Variants in VPS8 observed in about 807,000 individuals in gnomAD.
VPS8 encodes vacuolar protein sorting-associated protein 8 homolog.
A neutral mutation model predicts 216.4 loss-of-function variants in VPS8; 129 were observed. The ratio of observed to expected loss-of-function variants is 0.60; its 90% CI spans 0.52 to 0.69. The LOEUF is 0.69. VPS8 is among the 30% of genes least tolerant of loss of function. VPS8 has a pLI of 0.00. For synonymous variants in VPS8, 571 were observed against 565.4 expected, an observed-to-expected ratio of 1.01 and a Z score of -0.14; for missense variants, 1,531 against 1,683.5, an observed-to-expected ratio of 0.91 and a Z score of 1.59.
chr3:184,820,644 A>AG (rs1235529066), intron 1 of VPS8, among the ~76,000 whole-genome samples: 1 of 152,112 alleles, frequency 6.6e-6, no homozygotes, highest in Non-Finnish European at 1.5e-5. Context: ...CCTTTTAAAA[A>AG]AAATTTGAGC....
chr3:185,028,376 G>GTA (rs1757676353), intron 46 of VPS8, among the ~76,000 whole-genome samples: 1 of 152,148 alleles, frequency 6.6e-6, no homozygotes, highest in Non-Finnish European at 1.5e-5. Context: ...ATAGAAGTGA[G>GTA]TAACACATTG....
Position 184,957,504 on chromosome 3 carries a change from C to T in VPS8, c.3166C>T (p.Leu1056=), listed in dbSNP as rs909192300. 1.2e-6 allele frequency: 2 copies of T among 1,610,480 alleles called. No homozygotes were observed. The highest frequency in any genetic ancestry group is 1.7e-6 in the Non-Finnish European group (2 of 1,178,440). The change falls in exon 37 of 48, where the codon CTG becomes TTG. Residue 1056 remains leucine, a synonymous_variant. Coordinates refer to ENST00000625842, the MANE Select transcript of VPS8 (RefSeq NM_001009921.3). ...TCTGCAAGTCCTTGAGTGCTACCGTCTGGAAGAAACTATTCAGGTGAGACG... is the reference window on the plus strand; with the variant it reads ...TCTGCAAGTCCTTGAGTGCTACCGTTTGGAAGAAACTATTCAGGTGAGACG... The part of the protein sequence containing the change: ...ETLQVLECYR[L]EETIQITQKY...
intron 42 of VPS8, among the ~76,000 whole-genome samples, chr3:184,990,993 A>G (rs73885633): frequency 0.043 from 6,567 of 151,922 alleles, 456 homozygotes; most frequent in African/African-American, 0.15. Context: ...TTTGTTATAT[A>G]CATTCTATCT....
At chr3:184,875,937 C>T (rs1178391620) in intron 21 of VPS8, among the ~76,000 whole-genome samples, 1 of 151,680 alleles carries the variant, frequency 6.6e-6, no homozygotes, top group Admixed American at 6.6e-5. Flanking sequence ...TTGCACTGAG[C>T]CAAGATCACG....
intron 21 of VPS8, among the ~76,000 whole-genome samples, chr3:184,881,522 A>G (rs1730265492): frequency 1.3e-5 from 2 of 152,094 alleles, no homozygotes; most frequent in African/African-American, 2.4e-5. Flanking sequence ...TGCCTATCCC[A>G]CTGCCAGTAC....
chr3:184,898,128 C>T (rs974132348), intron 23 of VPS8, among the ~76,000 whole-genome samples: 2 of 141,686 alleles, frequency 1.4e-5, no homozygotes, highest in African/African-American at 6.3e-5. Context: ...ACTCACACGC[C>T]ATTTTGTACC....
At position 184,821,597 on chromosome 3, in the gene VPS8, C is replaced by T. The variant is rs191354074; in HGVS notation, c.-88-2948C>T. ...AACTCCTGAGCTCAGGAAATCCACC[C>T]GCCTCAGCCTCCCAAAGTGCTAGGA... On this transcript the variant is annotated intron_variant, in intron 1 of 47. Coordinates refer to ENST00000625842, the MANE Select transcript of VPS8 (RefSeq NM_001009921.3). 9.2e-5 allele frequency among the ~76,000 whole-genome samples: 14 copies of T among 152,152 alleles called. No individual in the cohort carries two copies. In the East Asian group the frequency reaches 1.2e-3, roughly 13 times the overall value.
chr3:184,884,480 A>G (rs1363715646), intron 21 of VPS8, among the ~76,000 whole-genome samples: 1 of 152,190 alleles, frequency 6.6e-6, no homozygotes, highest in African/African-American at 2.4e-5. Flanking sequence ...TCTCATACTA[A>G]GGAGATAGTA....
intron 1 of VPS8, among the ~76,000 whole-genome samples, chr3:184,813,139 A>G (rs913695880): frequency 6.6e-6 from 1 of 152,000 alleles, no homozygotes; most frequent in East Asian, 1.9e-4. Flanking sequence ...GATCGGTGAG[A>G]GGTTCCATGG....
intron 36 of VPS8, among the ~76,000 whole-genome samples, chr3:184,943,686 G>C (rs1743138485): frequency 6.6e-6 from 1 of 152,224 alleles, no homozygotes; most frequent in African/African-American, 2.4e-5. Context: ...CAGTTATTTT[G>C]AGATGAGGAC....
chr3:184,907,842 T>A (rs1735766161), intron 25 of VPS8, among the ~76,000 whole-genome samples: 1 of 152,220 alleles, frequency 6.6e-6, no homozygotes, highest in South Asian at 2.1e-4. Flanking sequence ...GCAGGCAGTT[T>A]AGAATTCTGC....
Position 184,915,583 on chromosome 3 carries a change from C to T in VPS8, c.2382+109C>T, listed in dbSNP as rs1737409928. The T allele has an allele frequency of 2.5e-6, 3 of 1,205,268 alleles. No individual in the cohort carries two copies. The East Asian group carries it at 8.4e-5, about 34-fold the overall frequency. 74.7% of individuals were successfully genotyped at this position (1,205,268 alleles called of 1,614,324 possible). ...ATCCCAACACTTTGGCCGAGGCAGG[C>T]AGATCATCTGAGGTCAGGAGTTCCA... On this transcript the variant is annotated intron_variant, in intron 28 of 47. Transcript: ENST00000625842.
intron 39 of VPS8, among the ~76,000 whole-genome samples, chr3:184,970,865 G>C (rs117162566): frequency 6.6e-6 from 1 of 152,178 alleles, no homozygotes. Context: ...GTGATGAAAA[G>C]CTCCACCAGG....
chr3:184,841,395 G>A (rs975301583), intron 7 of VPS8, among the ~76,000 whole-genome samples: 2 of 151,918 alleles, frequency 1.3e-5, no homozygotes, highest in Non-Finnish European at 2.9e-5. Flanking sequence ...TATATATTTT[G>A]TCTGTAACAT....
chr3:184,837,326 T>C (rs1256578738), intron 5 of VPS8, among the ~76,000 whole-genome samples: 2 of 152,242 alleles, frequency 1.3e-5, no homozygotes, highest in African/African-American at 4.8e-5. Flanking sequence ...TTTGTTATAA[T>C]GTTAATGAAG....
intron 1 of VPS8, chr3:184,816,110 T>C (rs1716268629): frequency 3.9e-5 from 6 of 152,220 alleles, no homozygotes; most frequent in Admixed American, 3.9e-4. Flanking sequence ...GACATTCTCA[T>C]GATAGTGGAG....
At chr3:184,932,005 A>C (rs1379640489) in intron 34 of VPS8, among the ~76,000 whole-genome samples, 7 of 152,298 alleles carry the variant, frequency 4.6e-5, no homozygotes, top group Non-Finnish European at 4.4e-5. Context: ...TAGGGGAGCA[A>C]GAAGTATTTT....
chr3:184,822,666 A>G (rs1023289670), intron 1 of VPS8, among the ~76,000 whole-genome samples: 13 of 152,266 alleles, frequency 8.5e-5, no homozygotes, highest in African/African-American at 1.9e-4. Flanking sequence ...TAGTTGTTAA[A>G]TAATTGCAAC....
chr3:184,866,829 T>C, intron 16 of VPS8, 47 bp from the exon 17 acceptor site: 1 of 1,553,576 alleles, frequency 6.4e-7, no homozygotes, highest in Non-Finnish European at 8.8e-7. Flanking sequence ...ATATATTAAA[T>C]ACAAAGGAAT....
Sources: allele counts gnomAD v4.1 joint callset (sites outside exome capture counted in the v4.1 genomes callset), GRCh38; gene constraint gnomAD v4.1.1; transcripts MANE v1.5; gene names NCBI Gene and HGNC (gene_info 2026-07-23, HGNC 2026-07-21).